TSPOAP1: variants seen among roughly 807,000 people sequenced by gnomAD.
The protein encoded by TSPOAP1 is peripheral-type benzodiazepine receptor-associated protein 1.
In TSPOAP1, 87 loss-of-function variants were observed where a neutral mutation model predicts 197.0. That is an observed-to-expected ratio of 0.44 (90% CI 0.37 to 0.53). The LOEUF (loss-of-function observed/expected upper bound fraction) is 0.53. Ranked by LOEUF, TSPOAP1 falls within the 20% of genes least tolerant of loss-of-function variation. The pLI is 0.00. For missense variants in TSPOAP1, 2,174 were observed against 2,411.3 expected, an observed-to-expected ratio of 0.90 and a Z score of 2.06; for synonymous variants, 913 against 998.9, an observed-to-expected ratio of 0.91 and a Z score of 1.62.
chr17:58,310,670 G>A lies in TSPOAP1; in HGVS notation c.3541C>T (p.Pro1181Ser). The A allele has an allele frequency of 4.3e-6, 7 of 1,612,868 alleles. No homozygotes were observed. The highest frequency in any genetic ancestry group is 5.9e-6 in the Non-Finnish European group (7 of 1,179,908). ...TGCTTGGCCAGTGAGGGAGCTGCGG[G>A]GCCAGGGTCCTTCTCACCCAGGGTA... ...TSTLGEKDPG[P>S]AAPSLAKQEA... Residue 1181 changes from proline (P) to serine (S), a missense_variant, in exon 20 of 32, where the codon CCC becomes TCC. By Grantham distance (74) the Pro-to-Ser change is moderately conservative. Transcript: ENST00000343736.
At position 58,309,471 on chromosome 17, in the gene TSPOAP1, C is replaced by G; in HGVS notation, c.3892-91G>C. 7 of 1,487,362 alleles carry G rather than the reference C, an allele frequency of 4.7e-6. No individual in the cohort carries two copies. The highest frequency in any genetic ancestry group is 6.3e-6 in the Non-Finnish European group (7 of 1,115,918). 92.1% of individuals were successfully genotyped at this position (1,487,362 alleles called of 1,614,324 possible). Reference sequence around the variant, plus strand: ...GCGAGCTGCGATCTTTGCCCTCAAACGAAGGCAGGGGTTACGGACAACCCC... The same window carrying G: ...GCGAGCTGCGATCTTTGCCCTCAAAGGAAGGCAGGGGTTACGGACAACCCC... On this transcript the variant is annotated intron_variant, in intron 21 of 31. Transcript: ENST00000343736. This position sits in a 1 kb window ranked among gnomAD's most constrained non-coding sequence, Gnocchi z 5.0.
In TSPOAP1 at chr17:58,305,431, C is replaced by T; in HGVS notation, c.5389G>A (p.Val1797Ile). The T allele has an allele frequency of 1.2e-6, 2 of 1,614,004 alleles. No homozygotes were observed. Among genetic ancestry groups the T allele is most frequent in the East Asian group, 2.2e-5 (1 of 44,884 alleles). ...EAELPFRAGD[V>I]ITVFGGMDDD... is the part of the protein sequence containing the mutation. ...TCCATGCCCCCAAACACAGTAATGA[C>T]ATCCCCTGCCCGGAAGGGCAGCTCT... is the stretch of plus-strand genomic sequence containing the variant. The change falls in exon 29 of 32, where the codon GTC (valine) becomes ATC (isoleucine). Residue 1797 changes from valine to isoleucine, a missense_variant. Val to Ile is a conservative substitution (Grantham distance 29, BLOSUM62 3). This residue lies in a region of TSPOAP1 where 161 missense variants were observed against 159.1 expected (regional missense o/e 1.01). Transcript: ENST00000343736.
chr17:58,328,148 T>C lies in TSPOAP1; in HGVS notation c.-228A>G, dbSNP rs1216556855. 1 of 574,860 alleles carries C rather than the reference T, an allele frequency of 1.7e-6. No individual in the cohort carries two copies. The allele number at this position is 574,860 out of a possible 1,614,324, so 35.6% of individuals were successfully genotyped here. On this transcript the variant is annotated 5_prime_UTR_variant, in exon 1 of 32. Coordinates refer to ENST00000343736, the MANE Select transcript of TSPOAP1 (RefSeq NM_004758.4). The surrounding 1 kb of genome is among the most constrained non-coding windows in gnomAD (Gnocchi z 4.3). ...TATGTGAGCTATGTTTGCTGGTAGC[T>C]GTGTGTGTGCGCGAGTATGTGGAGG...
chr17:58,302,564 C>T (rs889238296), intron 31 of TSPOAP1, 117 bp from the exon 32 acceptor site: 15 of 678,156 alleles, frequency 2.2e-5, no homozygotes, highest in African/African-American at 7.9e-5. Flanking sequence ...CCATGGCTGA[C>T]GCTGAGAACC....
intron 1 of TSPOAP1, 88 bp downstream of exon 1, chr17:58,327,500 G>A (rs1287446648): frequency 7.3e-7 from 1 of 1,363,744 alleles, no homozygotes; most frequent in Non-Finnish European, 1.0e-6. Flanking sequence ...CATTGGGGAT[G>A]CATACCTCGC....
In TSPOAP1 at chr17:58,312,207, G is replaced by T; in HGVS notation, c.2614C>A (p.Arg872Ser). Residue 872 changes from arginine (R) to serine (S), a missense_variant, in exon 17 of 32, where the codon CGC becomes AGC. Around this residue, in one of 5 missense-constraint regions of TSPOAP1, gnomAD observed 1,933 missense variants for 2,139.0 expected, o/e 0.90. Coordinates refer to ENST00000343736, the MANE Select transcript of TSPOAP1 (RefSeq NM_004758.4). ...LTSRGSSDPL[R>S]CCLAVGARAG... ...CGGGCACCCACCGCCAAGCAACAGCGCAGTGGGTCAGAGCTGCCCCGGCTA... is the reference window on the plus strand; with the variant it reads ...CGGGCACCCACCGCCAAGCAACAGCTCAGTGGGTCAGAGCTGCCCCGGCTA... 2.5e-6 allele frequency: 4 copies of T among 1,612,878 alleles called. No individual in the cohort carries two copies. Among genetic ancestry groups the T allele is most frequent in the Non-Finnish European group, 3.4e-6 (4 of 1,179,898 alleles).
chr17:58,307,122 A>G (rs1970922688), intron 24 of TSPOAP1, among the ~76,000 whole-genome samples, 154 bp from the exon 25 acceptor site: 1 of 152,226 alleles, frequency 6.6e-6, no homozygotes, highest in Non-Finnish European at 1.5e-5. Flanking sequence ...AAAGAACAGG[A>G]TCAGAGGGAT....
intron 24 of TSPOAP1, among the ~76,000 whole-genome samples, 178 bp from the exon 25 acceptor site, chr17:58,307,146 C>A (rs945014423): frequency 6.6e-6 from 1 of 152,210 alleles, no homozygotes; most frequent in African/African-American, 2.4e-5. Flanking sequence ...AGAAGACAGC[C>A]CTTTCTGTAT....
In TSPOAP1 at chr17:58,309,345, A is replaced by G; in HGVS notation, c.3927T>C (p.Asp1309=). The part of the protein sequence containing the change: ...QPDPFCETDS[D]EEILEQILEL... ...CCAGGATCTGCTCCAAGATCTCCTC[A>G]TCGCTGTCAGTCTCACAAAAGGGGT... The change falls in exon 22 of 32, where the codon GAT becomes GAC. Residue 1309 remains aspartate, a synonymous_variant. Coordinates refer to ENST00000343736, the MANE Select transcript of TSPOAP1 (RefSeq NM_004758.4). The surrounding 1 kb of genome is among the most constrained non-coding windows in gnomAD (Gnocchi z 5.0). 1 of 1,613,002 alleles carries G rather than the reference A, an allele frequency of 6.2e-7. No individual in the cohort carries two copies.
At chr17:58,320,038 TG>T in intron 12 of TSPOAP1, 70 bp downstream of exon 12, 2 of 1,590,324 alleles carry the variant, frequency 1.3e-6, no homozygotes, top group Non-Finnish European at 1.7e-6. Context: ...GGGGACTGCC[TG>T]GGCCCTGAGG....
At chr17:58,318,132 G>A in intron 14 of TSPOAP1, 148 bp downstream of exon 14, 2 of 1,018,378 alleles carry the variant, frequency 2.0e-6, no homozygotes, top group Non-Finnish European at 2.8e-6. Flanking sequence ...CTCGCCCACA[G>A]GAGGAATCCA....
intron 25 of TSPOAP1, 43 bp from the exon 26 acceptor site, chr17:58,306,456 G>A: frequency 2.0e-6 from 3 of 1,518,516 alleles, no homozygotes; most frequent in South Asian, 1.2e-5. Flanking sequence ...GGGGAGGTGG[G>A]AGAGACAGGA....
chr17:58,322,819 G>GACCC lies in TSPOAP1; in HGVS notation c.1195-47_1195-44dup, dbSNP rs761538253. The GACCC allele has an allele frequency of 1.2e-6, 2 of 1,609,736 alleles. No individual in the cohort carries two copies. The highest frequency in any genetic ancestry group is 2.7e-5 in the African/African-American group (2 of 74,850). On this transcript the variant is annotated intron_variant, in intron 8 of 31. Transcript: ENST00000343736. This position sits in a 1 kb window ranked among gnomAD's most constrained non-coding sequence, Gnocchi z 5.0. ...ACAGGGAGTTGGGTGGGTGAGCCTT[G>GACCC]ACCCACCAGCACCCTCACAGGGGGA...
Position 58,318,321 on chromosome 17 carries a change from C to T in TSPOAP1, c.1831G>A (p.Glu611Lys). ...AESLSNSSHS[E>K]SIHNSPKSCP... ...GACTTGGGGCTGTTGTGGATGGACT[C>T]GGAGTGGGAGGAGTTGGAGAGAGAC... The change falls in exon 14 of 32, where the codon GAG (glutamate) becomes AAG (lysine). Residue 611 changes from glutamate to lysine, a missense_variant. Glu to Lys is a moderately conservative substitution (Grantham distance 56). Around this residue, in one of 5 missense-constraint regions of TSPOAP1, gnomAD observed 1,933 missense variants for 2,139.0 expected, o/e 0.90. Coordinates refer to ENST00000343736, the MANE Select transcript of TSPOAP1 (RefSeq NM_004758.4). 2.5e-6 allele frequency: 4 copies of T among 1,614,184 alleles called. No individual in the cohort carries two copies. Among genetic ancestry groups the T allele is most frequent in the East Asian group, 2.2e-5 (1 of 44,876 alleles).
chr17:58,320,385 G>A (rs1971369441), intron 11 of TSPOAP1, 146 bp downstream of exon 11: 1 of 1,060,498 alleles, frequency 9.4e-7, no homozygotes, highest in Admixed American at 2.9e-5. Context: ...GCCAGTGGTG[G>A]AGGGGACTCC....
At position 58,320,608 on chromosome 17, in the gene TSPOAP1, G is replaced by C. The variant is rs531446618; in HGVS notation, c.1423-27C>G. 3.6e-6 allele frequency: 5 copies of C among 1,400,694 alleles called. No individual in the cohort carries two copies. In the African/African-American group the frequency reaches 5.9e-5, roughly 16 times the overall value. The allele number at this position is 1,400,694 out of a possible 1,614,324, so 86.8% of individuals were successfully genotyped here. A position where few individuals can be genotyped will look rare whatever the true frequency, so the allele number is the denominator to read the frequency against. On this transcript the variant is annotated intron_variant, in intron 10 of 31. Transcript: ENST00000343736. ...TACAGGTGGGGGGAACCAAAATACT[G>C]GAGGGAAGGAGAAGGAATGGGGTGG...
chr17:58,323,493 T>C lies in TSPOAP1; in HGVS notation c.995A>G (p.Glu332Gly). Residue 332 changes from glutamate (E) to glycine (G), a missense_variant, in exon 6 of 32, where the codon GAG (glutamate) becomes GGG (glycine). Physicochemically the swap from Glu to Gly is moderately conservative, Grantham distance 98. Around this residue, in one of 5 missense-constraint regions of TSPOAP1, gnomAD observed 1,933 missense variants for 2,139.0 expected, o/e 0.90. Coordinates refer to ENST00000343736, the MANE Select transcript of TSPOAP1 (RefSeq NM_004758.4). ...DNLPVILGEPEKEQRVQQLES... is the reference protein window; with the variant it reads ...DNLPVILGEPGKEQRVQQLES... Reference sequence around the variant, plus strand: ...CAGCTGCTGCACCCTCTGCTCTTTCTCTGGCTCCCCTAGAATCACGGGTAG... The same window carrying C: ...CAGCTGCTGCACCCTCTGCTCTTTCCCTGGCTCCCCTAGAATCACGGGTAG... The C allele has an allele frequency of 6.2e-7, 1 of 1,614,188 alleles. No homozygotes were observed. Among genetic ancestry groups the C allele is most frequent in the Admixed American group, 1.7e-5 (1 of 60,018 alleles).
At position 58,309,436 on chromosome 17, in the gene TSPOAP1, G is replaced by A. The variant is rs950017998; in HGVS notation, c.3892-56C>T. 70 of 1,542,862 alleles carry A rather than the reference G, an allele frequency of 4.5e-5. No homozygotes were observed. In the African/African-American group the frequency reaches 8.8e-4, roughly 19 times the overall value. On this transcript the variant is annotated intron_variant, in intron 21 of 31. Transcript: ENST00000343736. The surrounding 1 kb of genome is among the most constrained non-coding windows in gnomAD (Gnocchi z 5.0). ...ACAGCAGGGAAGAGAGATGCGTGGG[G>A]AAGAGGAGAGCGAGCTGCGATCTTT...
At chr17:58,311,281 C>T in intron 18 of TSPOAP1, 68 bp from the exon 19 acceptor site, 8 of 1,570,052 alleles carry the variant, frequency 5.1e-6, no homozygotes, top group Non-Finnish European at 6.9e-6. Flanking sequence ...GATGCACTGA[C>T]AGCAGTGGCA....
Sources: gnomAD v4.1 joint callset for allele counts (sites outside exome capture counted in the v4.1 genomes callset) on GRCh38, gnomAD v4.1.1 for gene constraint, gnomAD v4.1.1 regional missense constraint, Gnocchi (gnomAD v3.1) non-coding constraint, MANE v1.5 for transcripts, NCBI Gene and HGNC (gene_info 2026-07-23, HGNC 2026-07-21) for gene names.